Variants in GSE1 observed in about 807,000 individuals in gnomAD.
The protein encoded by GSE1 is genetic suppressor element 1.
In GSE1, 32 loss-of-function variants were observed where a neutral mutation model predicts 112.6. The ratio of observed to expected loss-of-function variants is 0.28; its 90% CI spans 0.21 to 0.38. The LOEUF (loss-of-function observed/expected upper bound fraction) is 0.38. Ranked by LOEUF, GSE1 falls within the 10% of genes least tolerant of loss-of-function variation. The pLI is 1.00. For missense variants in GSE1, 2,348 were observed against 1,699.2 expected (o/e 1.38, Z -6.71); for synonymous variants, 1,115 against 735.6 (o/e 1.52, Z -8.35).
Position 85,315,482 on chromosome 16 carries a change from G to A in GSE1, c.2284-41981G>A, listed in dbSNP as rs540284723. On this transcript the variant is annotated intron_variant, in intron 1 of 2. Coordinates refer to the GSE1 transcript ENST00000637419. ...GAGCCCGTGCTGAGTGCCTGGGAGC[G>A]GGCAGAGCCTGGAGGGCCTCGGGTT... Among the ~76,000 whole-genome samples, 189 of 152,238 alleles carry A rather than the reference G, an allele frequency of 1.2e-3. 2 individuals carry two copies. The highest frequency in any genetic ancestry group is 4.3e-3 in the African/African-American group (179 of 41,540).
chr16:85,242,904 C>T (rs1054376054), intron 1 of GSE1, among the ~76,000 whole-genome samples: 9 of 152,106 alleles, frequency 5.9e-5, no homozygotes, highest in Non-Finnish European at 7.4e-5. Context: ...CTTGACTTCT[C>T]GGGCTCAAGT....
At chr16:85,321,973 G>A (rs376046463) in intron 1 of GSE1, among the ~76,000 whole-genome samples, 39 of 152,258 alleles carry the variant, frequency 2.6e-4, no homozygotes, top group Admixed American at 9.2e-4. Flanking sequence ...CTTCCTGACC[G>A]CCAGGGCCGT....
At chr16:85,533,550 G>A (rs7499939) in intron 2 of GSE1, among the ~76,000 whole-genome samples, 84,604 of 151,994 alleles carry the variant, frequency 0.56, 23,899 homozygotes, top group East Asian at 0.76. Context: ...GGTGTTCAAA[G>A]TATGTTTTTA....
chr16:85,188,947 A>T (rs1210744097), intron 1 of GSE1, among the ~76,000 whole-genome samples: 1 of 152,168 alleles, frequency 6.6e-6, no homozygotes, highest in Non-Finnish European at 1.5e-5. Flanking sequence ...TTTTCTGGAG[A>T]GAGGATCAGT....
chr16:85,654,752 G>A (rs770646811), intron 4 of GSE1, 42 bp from the exon 5 acceptor site: 5 of 1,285,028 alleles, frequency 3.9e-6, no homozygotes, highest in East Asian at 4.8e-5. Context: ...GAGCAGGTGT[G>A]CACTCACCTG....
intron 2 of GSE1, among the ~76,000 whole-genome samples, chr16:85,415,684 G>A (rs979378144): frequency 4.1e-4 from 62 of 152,382 alleles, no homozygotes; most frequent in East Asian, 3.9e-4. Context: ...CCCCACAGCA[G>A]AGCTGCGAGG....
intron 9 of GSE1, chr16:85,662,486 C>T (rs1290823567): frequency 1.3e-5 from 2 of 153,528 alleles, no homozygotes; most frequent in African/African-American, 2.4e-5. Flanking sequence ...AGCCAAATTT[C>T]TCTCCCCTAC....
exon 1 of GSE1, chr16:85,556,232 C>T (rs1412981336): frequency 2.0e-6 from 2 of 984,856 alleles, no homozygotes; most frequent in Non-Finnish European, 1.2e-6. Context: ...TTTTGAGCGC[C>T]GTGGCTTGAA....
chr16:85,234,706 T>C (rs1306253186), intron 1 of GSE1, among the ~76,000 whole-genome samples: 1 of 152,152 alleles, frequency 6.6e-6, no homozygotes, highest in Non-Finnish European at 1.5e-5. Context: ...CTTGACCCTC[T>C]GCTGGACCAG....
intron 1 of GSE1, chr16:85,171,845 C>G: frequency 4.2e-6 from 4 of 950,004 alleles, no homozygotes; most frequent in Middle Eastern, 5.5e-4. Flanking sequence ...GACGCTTCCT[C>G]CAAAATCCAT....
intron 2 of GSE1, among the ~76,000 whole-genome samples, chr16:85,426,901 A>T (rs1029677864): frequency 9.2e-5 from 14 of 152,132 alleles, no homozygotes; most frequent in Non-Finnish European, 1.9e-4. Context: ...ATGTCTGGTG[A>T]GGGTAGAACA....
intron 1 of GSE1, among the ~76,000 whole-genome samples, chr16:85,326,911 C>T (rs1284490117): frequency 1.3e-5 from 2 of 152,266 alleles, no homozygotes; most frequent in African/African-American, 4.8e-5. Context: ...TCACCCCAAA[C>T]TTAGCAGCAT....
intron 1 of GSE1, among the ~76,000 whole-genome samples, chr16:85,182,635 T>C (rs2074612962): frequency 6.6e-6 from 1 of 152,186 alleles, no homozygotes; most frequent in Admixed American, 6.5e-5. Flanking sequence ...TGGAGCACGC[T>C]GACTGCTCAC....
intron 2 of GSE1, among the ~76,000 whole-genome samples, chr16:85,537,847 G>A (rs2044383192): frequency 1.3e-5 from 2 of 152,236 alleles, no homozygotes; most frequent in Non-Finnish European, 1.5e-5. Flanking sequence ...GGCGGTTGGG[G>A]TGGGCCTCTC....
intron 2 of GSE1, among the ~76,000 whole-genome samples, chr16:85,415,524 C>G (rs901622918): frequency 1.3e-5 from 2 of 152,204 alleles, no homozygotes; most frequent in African/African-American, 4.8e-5. Context: ...CTCTGCTCCC[C>G]GAAGGCAAGG....
intron 2 of GSE1, among the ~76,000 whole-genome samples, chr16:85,387,633 C>T (rs1433515472): frequency 1.3e-5 from 2 of 152,224 alleles, no homozygotes; most frequent in Admixed American, 6.5e-5. Context: ...TTGCTTATCA[C>T]CAACTATCCA....
chr16:85,426,107 A>G (rs76734431), intron 2 of GSE1, among the ~76,000 whole-genome samples: 2 of 11,190 alleles, frequency 1.8e-4, no homozygotes, highest in Non-Finnish European at 1.1e-3. Flanking sequence ...GGGAGGGAGG[A>G]AGGAAGGAAG....
intron 1 of GSE1, among the ~76,000 whole-genome samples, chr16:85,261,957 C>T (rs1907737842): frequency 6.6e-6 from 1 of 152,126 alleles, no homozygotes; most frequent in African/African-American, 2.4e-5. Context: ...TCCCCCATGC[C>T]TTATGTCGGG....
At chr16:85,300,582 G>A (rs962724160) in intron 1 of GSE1, among the ~76,000 whole-genome samples, 9 of 152,176 alleles carry the variant, frequency 5.9e-5, no homozygotes, top group Admixed American at 2.0e-4. Flanking sequence ...ACTCAGCAGC[G>A]TCGTCAGGGT....
Sources: gnomAD v4.1 joint callset for allele counts (sites outside exome capture counted in the v4.1 genomes callset) on GRCh38, gnomAD v4.1.1 for gene constraint, MANE v1.5 for transcripts, NCBI Gene and HGNC (gene_info 2026-07-23, HGNC 2026-07-21) for gene names.